Variants in GRM8 observed in about 807,000 individuals in gnomAD.
The protein encoded by GRM8 is glutamate metabotropic receptor 8.
GRM8 carries 47 observed loss-of-function variants against 87.2 expected under a neutral mutation model. The ratio of observed to expected loss-of-function variants is 0.54; its 90% CI spans 0.43 to 0.69. The LOEUF (loss-of-function observed/expected upper bound fraction) is 0.69, where lower values mean the gene tolerates loss of function less well. Among genes scored for constraint, GRM8 ranks in the 30% least tolerant of loss-of-function variants. The pLI is 0.00. For synonymous variants in GRM8, 396 were observed against 404.5 expected (o/e 0.98, Z 0.25); for missense variants, 1,019 against 1,139.2 (o/e 0.89, Z 1.52).
intron 3 of GRM8, among the ~76,000 whole-genome samples, chr7:126,923,959 A>C (rs1804816123): frequency 6.6e-6 from 1 of 152,192 alleles, no homozygotes; most frequent in Non-Finnish European, 1.5e-5. Context: ...TGTGATTCAA[A>C]TACATCTACA....
chr7:127,151,416 C>A (rs1828854457), intron 2 of GRM8, among the ~76,000 whole-genome samples: 1 of 152,052 alleles, frequency 6.6e-6, no homozygotes, highest in Non-Finnish European at 1.5e-5. Context: ...CATTTCTTAT[C>A]TAAGGACCTC....
chr7:127,050,097 T>C (rs1819321106), intron 3 of GRM8, among the ~76,000 whole-genome samples: 1 of 152,168 alleles, frequency 6.6e-6, no homozygotes. Context: ...CTCTTATTTT[T>C]TAAAGGTCAG....
chr7:126,895,053 G>A (rs1001367277), intron 6 of GRM8, among the ~76,000 whole-genome samples: 6 of 151,954 alleles, frequency 3.9e-5, no homozygotes, highest in African/African-American at 1.2e-4. Context: ...ATCTGTGTAC[G>A]TTTCTTTAAA....
At chr7:126,825,694 T>A (rs541107045) in intron 6 of GRM8, among the ~76,000 whole-genome samples, 1 of 152,190 alleles carries the variant, frequency 6.6e-6, no homozygotes, top group South Asian at 2.1e-4. Context: ...AACCTAAACA[T>A]TGGTTAAAAA....
intron 3 of GRM8, among the ~76,000 whole-genome samples, chr7:127,102,328 C>T (rs918349741): frequency 3.3e-5 from 5 of 152,236 alleles, no homozygotes; most frequent in African/African-American, 1.2e-4. Flanking sequence ...GGAGCAACCA[C>T]TTGCTAGAGA....
chr7:126,867,238 G>A (rs894130264), intron 6 of GRM8, among the ~76,000 whole-genome samples: 4 of 152,148 alleles, frequency 2.6e-5, no homozygotes, highest in Admixed American at 6.6e-5. Context: ...ACAGGTCAGC[G>A]AGTTCTCACC....
At chr7:127,026,604 G>C (rs1482589757) in intron 3 of GRM8, among the ~76,000 whole-genome samples, 2 of 152,166 alleles carry the variant, frequency 1.3e-5, no homozygotes, top group African/African-American at 2.4e-5. Flanking sequence ...GACCAGTGAT[G>C]ATGAGCATTT....
chr7:126,696,342 C>T (rs556332009), intron 7 of GRM8, among the ~76,000 whole-genome samples: 17 of 152,182 alleles, frequency 1.1e-4, no homozygotes, highest in Admixed American at 6.5e-5. Context: ...TATTAAGCCC[C>T]GCATGTATTA....
At chr7:126,581,922 G>C (rs1795651023) in intron 8 of GRM8, among the ~76,000 whole-genome samples, 1 of 152,014 alleles carries the variant, frequency 6.6e-6, no homozygotes, top group Non-Finnish European at 1.5e-5. Context: ...TGAACCCCCT[G>C]TTCCCCCATC....
intron 7 of GRM8, among the ~76,000 whole-genome samples, chr7:126,752,691 C>A (rs1408362957): frequency 6.6e-6 from 1 of 152,088 alleles, no homozygotes; most frequent in Admixed American, 6.6e-5. Flanking sequence ...AGGGCTCTGA[C>A]TCCCATGACA....
At chr7:127,171,736 T>C (rs552293740) in intron 2 of GRM8, among the ~76,000 whole-genome samples, 1 of 152,362 alleles carries the variant, frequency 6.6e-6, no homozygotes, top group East Asian at 1.9e-4. Flanking sequence ...TTTTGTGTAA[T>C]TCACTTTATT....
chr7:126,469,932 C>G (rs75929969), intron 9 of GRM8, among the ~76,000 whole-genome samples: 1 of 151,938 alleles, frequency 6.6e-6, no homozygotes, highest in Non-Finnish European at 1.5e-5. Context: ...GAAGACAGGA[C>G]GATGTGGGAA....
At chr7:126,824,194 T>A (rs1161568711) in intron 6 of GRM8, among the ~76,000 whole-genome samples, 2 of 152,206 alleles carry the variant, frequency 1.3e-5, no homozygotes, top group Non-Finnish European at 2.9e-5. Flanking sequence ...GCATTGTTTA[T>A]CCTTCAATTA....
At chr7:126,874,463 C>T (rs1799373050) in intron 6 of GRM8, among the ~76,000 whole-genome samples, 2 of 152,028 alleles carry the variant, frequency 1.3e-5, no homozygotes, top group African/African-American at 2.4e-5. Flanking sequence ...CAACTAGAAT[C>T]TTTAATCCTG....
chr7:127,166,192 G>C (rs1793441545), intron 2 of GRM8, among the ~76,000 whole-genome samples: 1 of 152,038 alleles, frequency 6.6e-6, no homozygotes, highest in Non-Finnish European at 1.5e-5. Flanking sequence ...CTGAGATCCT[G>C]GACTTTTCCC....
In GRM8 at chr7:126,977,444, G is replaced by A. The variant is rs540634956; in HGVS notation, c.728-72761C>T. Among the ~76,000 whole-genome samples, 78 of 152,168 alleles carry A rather than the reference G, an allele frequency of 5.1e-4. 1 individual carries two copies. The highest frequency in any genetic ancestry group is 1.0e-3 in the Non-Finnish European group (68 of 68,020). On this transcript the variant is annotated intron_variant, in intron 3 of 10. Transcript: ENST00000339582. ...GAATCAAAGGGTACTGCTTGTCTAA[G>A]AAATATGCTAAAGAGAGGACAACAC...
At chr7:126,760,870 A>C (rs1340236277) in intron 7 of GRM8, among the ~76,000 whole-genome samples, 2 of 152,168 alleles carry the variant, frequency 1.3e-5, no homozygotes, top group Non-Finnish European at 2.9e-5. Context: ...CAATTTTTCC[A>C]TATAATGAAT....
chr7:126,972,367 T>C (rs1341838089), intron 3 of GRM8, among the ~76,000 whole-genome samples: 1 of 152,182 alleles, frequency 6.6e-6, no homozygotes, highest in African/African-American at 2.4e-5. Flanking sequence ...TGATGTTGAG[T>C]AGACACAATC....
chr7:126,709,700 T>C (rs922024635), intron 7 of GRM8, among the ~76,000 whole-genome samples: 16 of 152,112 alleles, frequency 1.1e-4, no homozygotes, highest in African/African-American at 3.6e-4. Context: ...ATAAATATTT[T>C]GGGGAGATAT....
Sources: gnomAD v4.1 joint callset for allele counts (sites outside exome capture counted in the v4.1 genomes callset) on GRCh38, gnomAD v4.1.1 for gene constraint, MANE v1.5 for transcripts, NCBI Gene and HGNC (gene_info 2026-07-23, HGNC 2026-07-21) for gene names.